CCL17: variants seen among roughly 807,000 people sequenced by gnomAD.
CCL17 encodes the protein C-C motif chemokine 17.
In CCL17, 8 loss-of-function variants were observed where a neutral mutation model predicts 7.4. That is an observed-to-expected ratio of 1.09 (90% CI 0.64 to 1.96). The LOEUF is 1.96. Among genes scored for constraint, CCL17 ranks in the 30% most tolerant of loss-of-function variants. CCL17 has a pLI of 0.00. For missense variants in CCL17, 102 were observed against 113.0 expected (o/e 0.90, Z 0.44); for synonymous variants, 40 against 46.1 (o/e 0.87, Z 0.54).
At chr16:57,412,873 C>T (rs1410263510) in intron 1 of CCL17, among the ~76,000 whole-genome samples, 1 of 152,204 alleles carries the variant, frequency 6.6e-6, no homozygotes, top group Admixed American at 6.5e-5. Context: ...GATGCTGTGG[C>T]CTGGGGCTGA....
At chr16:57,410,182 C>T (rs567357536) in intron 1 of CCL17, among the ~76,000 whole-genome samples, 31 of 152,340 alleles carry the variant, frequency 2.0e-4, no homozygotes, top group South Asian at 4.1e-4. Flanking sequence ...ACAGGCTTCT[C>T]CACGAGCCTG....
At chr16:57,397,773 G>A in the CCL17 span, among the ~76,000 whole-genome samples, 1 of 152,098 alleles carries the variant, frequency 6.6e-6, no homozygotes, top group African/African-American at 2.4e-5. Flanking sequence ...TCCTTTCCCA[G>A]TTCTAAGGCT....
chr16:57,411,024 C>T (rs1201962161), intron 1 of CCL17, among the ~76,000 whole-genome samples: 4 of 152,216 alleles, frequency 2.6e-5, no homozygotes, highest in Non-Finnish European at 5.9e-5. Flanking sequence ...GCACATTCCC[C>T]TCTCTGCACC....
chr16:57,413,862 G>T lies in CCL17; in HGVS notation c.-59-12G>T. The stretch of plus-strand genomic sequence containing the variant: ...GGTTAAATAGGTCACTGCCACCCTC[G>T]ACTCTCAGCAGGGTGTCTCCCTGAG... On this transcript the variant is annotated splice_polypyrimidine_tract_variant and intron_variant, in intron 1 of 3. Transcript: ENST00000219244. 1 of 1,395,496 alleles carries T rather than the reference G, an allele frequency of 7.2e-7. No individual in the cohort carries two copies. Among genetic ancestry groups the T allele is most frequent in the Non-Finnish European group, 9.8e-7 (1 of 1,015,620 alleles). The allele number at this position is 1,395,496 out of a possible 1,614,324, so 86.4% of individuals were successfully genotyped here.
In CCL17 at chr16:57,415,823, A is replaced by G; in HGVS notation, c.247A>G (p.Asn83Asp). The change falls in exon 4 of 4, where the codon AAT (asparagine) becomes GAT (aspartate). Residue 83 changes from asparagine to aspartate, a missense_variant. Physicochemically the swap from Asn to Asp is conservative, Grantham distance 23. Transcript: ENST00000219244. The surrounding 1 kb of genome is among the most constrained non-coding windows in gnomAD (Gnocchi z 4.5). ...CSDPNNKRVK[N>D]AVKYLQSLER... Reference sequence around the variant, plus strand: ...GGACCCCAACAACAAGAGAGTGAAGAATGCAGTTAAATACCTGCAAAGCCT... The same window carrying G: ...GGACCCCAACAACAAGAGAGTGAAGGATGCAGTTAAATACCTGCAAAGCCT... 1 of 1,613,206 alleles carries G rather than the reference A, an allele frequency of 6.2e-7. No individual in the cohort carries two copies. The highest frequency in any genetic ancestry group is 8.5e-7 in the Non-Finnish European group (1 of 1,179,140).
chr16:57,415,892 C>A lies in CCL17; in HGVS notation c.*31C>A. 7.1e-7 allele frequency: 1 copy of A among 1,410,736 alleles called. No homozygotes were observed. Among genetic ancestry groups the A allele is most frequent in the Non-Finnish European group, 1.0e-6 (1 of 994,794 alleles). 87.4% of individuals were successfully genotyped at this position (1,410,736 alleles called of 1,614,324 possible). Reference sequence around the variant, plus strand: ...CCTCACCCCAGACTCCTGACTGTCTCCCGGGACTACCTGGGACCTCCACCG... The same window carrying A: ...CCTCACCCCAGACTCCTGACTGTCTACCGGGACTACCTGGGACCTCCACCG... On this transcript the variant is annotated 3_prime_UTR_variant, in exon 4 of 4. Coordinates refer to ENST00000219244, the MANE Select transcript of CCL17 (RefSeq NM_002987.3). This position sits in a 1 kb window ranked among gnomAD's most constrained non-coding sequence, Gnocchi z 4.5.
the CCL17 span, among the ~76,000 whole-genome samples, chr16:57,397,161 T>C: frequency 6.6e-6 from 1 of 152,250 alleles, no homozygotes; most frequent in South Asian, 2.1e-4. Flanking sequence ...CTATTCTTTG[T>C]TGTCCCAGAG....
chr16:57,406,604 A>G (rs1902699774), intron 1 of CCL17, among the ~76,000 whole-genome samples: 1 of 152,050 alleles, frequency 6.6e-6, no homozygotes, highest in Non-Finnish European at 1.5e-5. Context: ...GCTCACAGGG[A>G]GCTCAGGGAA....
At chr16:57,402,070 C>T (rs1457871306), upstream of CCL17, among the ~76,000 whole-genome samples, 1 of 152,240 alleles carries the variant, frequency 6.6e-6, no homozygotes, top group Admixed American at 6.5e-5. Context: ...GCGAAAGCCC[C>T]ACAGTGCAGA....
chr16:57,398,296 C>A, the CCL17 span, among the ~76,000 whole-genome samples: 11 of 152,228 alleles, frequency 7.2e-5, no homozygotes, highest in African/African-American at 2.4e-4. Flanking sequence ...CATCAATTTC[C>A]TTACTTAGGT....
chr16:57,412,394 C>T (rs1463801549), intron 1 of CCL17, among the ~76,000 whole-genome samples: 1 of 152,178 alleles, frequency 6.6e-6, no homozygotes, highest in Non-Finnish European at 1.5e-5. Context: ...GGATCCCTGC[C>T]CTTCTACCTA....
chr16:57,403,516 TTA>T (rs1367504511), upstream of CCL17, among the ~76,000 whole-genome samples: 15 of 27,208 alleles, frequency 5.5e-4, no homozygotes, highest in South Asian at 5.2e-3. Flanking sequence ...ATATATTATA[TTA>T]TATATATGTT....
At chr16:57,411,321 G>A (rs1902781863) in intron 1 of CCL17, among the ~76,000 whole-genome samples, 1 of 152,170 alleles carries the variant, frequency 6.6e-6, no homozygotes, top group Admixed American at 6.5e-5. Context: ...AGCCCCCAGA[G>A]GCTCAGCTGC....
chr16:57,404,883 G>GA (rs1441708619), intron 1 of CCL17, 47 bp downstream of exon 1: 1 of 154,402 alleles, frequency 6.5e-6, no homozygotes, highest in Non-Finnish European at 1.5e-5. Context: ...ACTGTGAGGT[G>GA]ACCCCCTCGC....
chr16:57,397,796 A>G, the CCL17 span, among the ~76,000 whole-genome samples: 6 of 152,180 alleles, frequency 3.9e-5, no homozygotes, highest in Non-Finnish European at 7.4e-5. Context: ...GGTAAGTGCC[A>G]CTAGTTCTGG....
At chr16:57,413,629 G>A (rs1902820206) in intron 1 of CCL17, among the ~76,000 whole-genome samples, 1 of 152,198 alleles carries the variant, frequency 6.6e-6, no homozygotes, top group African/African-American at 2.4e-5. Context: ...ACCAAGAAAT[G>A]TCCCCTTTGA....
upstream of CCL17, among the ~76,000 whole-genome samples, chr16:57,402,270 GT>G (rs1367373786): frequency 6.6e-6 from 1 of 152,196 alleles, no homozygotes; most frequent in Non-Finnish European, 1.5e-5. Flanking sequence ...TCCAAATGCT[GT>G]TGAGTCGTGA....
chr16:57,405,809 G>A (rs1169106662), intron 1 of CCL17, among the ~76,000 whole-genome samples: 1 of 150,946 alleles, frequency 6.6e-6, no homozygotes. Context: ...CGAGGCAGGT[G>A]GATCACGAGA....
upstream of CCL17, among the ~76,000 whole-genome samples, chr16:57,404,134 T>A (rs1902661088): frequency 1.3e-5 from 2 of 152,062 alleles, no homozygotes; most frequent in South Asian, 2.1e-4. Flanking sequence ...AACCAGGAGA[T>A]ACAGGTGGGC....
Sources: gnomAD v4.1 joint callset for allele counts (sites outside exome capture counted in the v4.1 genomes callset) on GRCh38, gnomAD v4.1.1 for gene constraint, Gnocchi (gnomAD v3.1) non-coding constraint, MANE v1.5 for transcripts, NCBI Gene and HGNC (gene_info 2026-07-23, HGNC 2026-07-21) for gene names.